The following DCST1 variants were observed in gnomAD, a reference collection of about 807,000 sequenced individuals.
DCST1 encodes the protein E3 ubiquitin-protein ligase DCST1.
A neutral mutation model predicts 89.1 loss-of-function variants in DCST1; 78 were observed. That is an observed-to-expected ratio of 0.88 (90% confidence interval 0.73 to 1.06). DCST1 has a LOEUF of 1.06. DCST1 is among the 50% of genes least tolerant of loss of function. DCST1 has a pLI of 0.00. For synonymous variants in DCST1, 364 were observed against 371.9 expected (o/e 0.98, Z 0.24); for missense variants, 900 against 928.6 (o/e 0.97, Z 0.40).
At chr1:155,041,274 A>C in intron 6 of DCST1, 123 bp from the exon 7 acceptor site, 1 of 971,386 alleles carries the variant, frequency 1.0e-6, no homozygotes, top group Non-Finnish European at 1.6e-6. Flanking sequence ...CTCAGGGCCT[A>C]GGCTCCCTGT....
chr1:155,038,508 C>A (rs549269355), intron 4 of DCST1, among the ~76,000 whole-genome samples: 1 of 152,304 alleles, frequency 6.6e-6, no homozygotes, highest in Admixed American at 6.5e-5. Flanking sequence ...GACTCTACCA[C>A]GACAGTGGAG....
At position 155,040,619 on chromosome 1, in the gene DCST1, C is replaced by A. The variant is rs934763981; in HGVS notation, c.526C>A (p.Leu176Met). ...CCCCTTACGGGCCATGTTCAAGGAC[C>A]TGCTGGTCAGGAATCTGCACAGGCA... ...TAPLRAMFKDLLSSKELLRAE... is the reference protein window; with the variant it reads ...TAPLRAMFKDMLSSKELLRAE... Residue 176 changes from leucine to methionine, a missense_variant, in exon 6 of 17, where the codon CTG (leucine) becomes ATG (methionine). Physicochemically the swap from Leu to Met is conservative, Grantham distance 15. Coordinates refer to ENST00000295542, the MANE Select transcript of DCST1 (RefSeq NM_152494.4). 1 of 1,574,252 alleles carries A rather than the reference C, an allele frequency of 6.4e-7. No homozygotes were observed. Among genetic ancestry groups the A allele is most frequent in the Non-Finnish European group, 8.6e-7 (1 of 1,159,026 alleles).
rs1340232370 is a variant in DCST1, at chr1:155,034,692, A to AAGAACAG, written c.229_235dup (p.Lys79ArgfsTer103). On this transcript the variant is annotated frameshift_variant, in exon 4 of 17. Coordinates refer to ENST00000295542, the MANE Select transcript of DCST1 (RefSeq NM_152494.4). LOFTEE classifies it high-confidence loss of function. ...CTGGTGAACCCCATGAACATCTACGAAGAACAGAAGATTATGTTCTTGTAC... is the reference window on the plus strand; with the variant it reads ...CTGGTGAACCCCATGAACATCTACGAAGAACAGAGAACAGAAGATTATGTTCTTGTAC... The AAGAACAG allele has an allele frequency of 6.2e-7, 1 of 1,614,052 alleles. No individual in the cohort carries two copies. The highest frequency in any genetic ancestry group is 8.5e-7 in the Non-Finnish European group (1 of 1,180,048).
chr1:155,050,813 A>G lies in DCST1; in HGVS notation c.2066A>G (p.Glu689Gly). The change falls in exon 17 of 17, where the codon GAG (glutamate) becomes GGG (glycine). Residue 689 changes from glutamate (E) to glycine (G), a missense_variant. Physicochemically the swap from Glu to Gly is moderately conservative, Grantham distance 98 (BLOSUM62 -2). Coordinates refer to ENST00000295542, the MANE Select transcript of DCST1 (RefSeq NM_152494.4). ...QRCPVCTPRE[E>G]LSSSAFSDSN... Reference sequence around the variant, plus strand: ...TGCCCGGTCTGCACGCCCCGCGAAGAGCTCTCTTCCTCCGCCTTTAGTGAC... The same window carrying G: ...TGCCCGGTCTGCACGCCCCGCGAAGGGCTCTCTTCCTCCGCCTTTAGTGAC... 1.2e-6 allele frequency: 2 copies of G among 1,612,820 alleles called. No individual in the cohort carries two copies. The highest frequency in any genetic ancestry group is 1.7e-6 in the Non-Finnish European group (2 of 1,179,556).
chr1:155,039,497 T>C lies in DCST1; in HGVS notation c.357T>C (p.Phe119=). 1 of 1,601,594 alleles carries C rather than the reference T, an allele frequency of 6.2e-7. No homozygotes were observed. The highest frequency in any genetic ancestry group is 1.1e-5 in the South Asian group (1 of 88,410). The change falls in exon 5 of 17, where the codon TTT becomes TTC. Residue 119 remains phenylalanine, a synonymous_variant. Coordinates refer to ENST00000295542, the MANE Select transcript of DCST1 (RefSeq NM_152494.4). Reference sequence around the variant, plus strand: ...TGCTGGGCAAGGAAGGCAGGCTCTTTGTCCTGGGATACGCCTTGGCTGCCA... The same window carrying C: ...TGCTGGGCAAGGAAGGCAGGCTCTTCGTCCTGGGATACGCCTTGGCTGCCA... ...PKMLGKEGRL[F]VLGYALAAIY... is the part of the protein sequence containing the mutation.
intron 4 of DCST1, among the ~76,000 whole-genome samples, chr1:155,038,692 G>C (rs1263421057): frequency 6.6e-6 from 1 of 152,176 alleles, no homozygotes; most frequent in East Asian, 1.9e-4. Context: ...GACACGTCCT[G>C]TCTTTGTCCA....
Position 155,045,903 on chromosome 1 carries a change from T to C in DCST1, c.1183T>C (p.Tyr395His). 6.2e-7 allele frequency: 1 copy of C among 1,614,090 alleles called. No homozygotes were observed. The highest frequency in any genetic ancestry group is 8.5e-7 in the Non-Finnish European group (1 of 1,179,926). Reference sequence around the variant, plus strand: ...CCCATCCACCCACAGGTCTTTCTCCTACATGGACAGCTATAACCATGACAT... The same window carrying C: ...CCCATCCACCCACAGGTCTTTCTCCCACATGGACAGCTATAACCATGACAT... ...FLLVLHASFS[Y>H]MDSYNHDIRF... Residue 395 changes from tyrosine (Y) to histidine (H), a missense_variant, in exon 11 of 17, where the codon TAC becomes CAC. Transcript: ENST00000295542.
intron 16 of DCST1, chr1:155,049,350 C>CAGTT (rs1366522477): frequency 2.6e-6 from 1 of 382,278 alleles, no homozygotes; most frequent in Non-Finnish European, 4.7e-6. Flanking sequence ...CTCCAAGCAT[C>CAGTT]AGTTTTCTCA....
In DCST1 at chr1:155,047,249, C is replaced by T. The variant is rs754097171; in HGVS notation, c.1549C>T (p.Leu517Phe). 2 of 1,614,148 alleles carry T rather than the reference C, an allele frequency of 1.2e-6. No homozygotes were observed. Among genetic ancestry groups the T allele is most frequent in the East Asian group, 4.5e-5 (2 of 44,882 alleles). Residue 517 changes from leucine (L) to phenylalanine (F), a missense_variant, in exon 14 of 17, where the codon CTT (leucine) becomes TTT (phenylalanine). By Grantham distance (22) the Leu-to-Phe change is conservative. Coordinates refer to ENST00000295542, the MANE Select transcript of DCST1 (RefSeq NM_152494.4). ...VGGDSMLARLLRKTIGALNTS... is the reference protein window; with the variant it reads ...VGGDSMLARLFRKTIGALNTS... ...GGGAGACTCCATGCTAGCCCGGCTT[C>T]TTCGAAAAACCATTGGGGCCCTGAA...
At position 155,041,806 on chromosome 1, in the gene DCST1, C is replaced by A. The variant is rs1370579154; in HGVS notation, c.841C>A (p.His281Asn). 6.2e-7 allele frequency: 1 copy of A among 1,614,260 alleles called. No individual in the cohort carries two copies. Residue 281 changes from histidine (H) to asparagine (N), a missense_variant, in exon 8 of 17, where the codon CAC (histidine) becomes AAC (asparagine). Coordinates refer to ENST00000295542, the MANE Select transcript of DCST1 (RefSeq NM_152494.4). ...GCACATCTGGGTCCCACTCCTCACCCACCTGCTCTGCCTGCCTATGAAGTT... is the reference window on the plus strand; with the variant it reads ...GCACATCTGGGTCCCACTCCTCACCAACCTGCTCTGCCTGCCTATGAAGTT... ...MKHIWVPLLTHLLCLPMKFKF... is the reference protein window; with the variant it reads ...MKHIWVPLLTNLLCLPMKFKF...
intron 16 of DCST1, 198 bp from the exon 17 acceptor site, chr1:155,050,419 A>G: frequency 1.6e-6 from 1 of 642,564 alleles, no homozygotes; most frequent in Non-Finnish European, 2.6e-6. Flanking sequence ...GAGAGCCTGG[A>G]GGGTGCATCC....
intron 16 of DCST1, among the ~76,000 whole-genome samples, chr1:155,049,914 C>T (rs1394237745): frequency 6.6e-6 from 1 of 152,228 alleles, no homozygotes; most frequent in Admixed American, 6.5e-5. Flanking sequence ...ACTCAGTCCA[C>T]AGGGAATGCG....
At chr1:155,040,427 G>T in intron 5 of DCST1, 58 bp from the exon 6 acceptor site, 4 of 1,539,562 alleles carry the variant, frequency 2.6e-6, no homozygotes, top group Non-Finnish European at 3.5e-6. Context: ...GAAGCTGAGC[G>T]GGTTTGAGAA....
At chr1:155,044,965 G>A (rs1660568442) in intron 10 of DCST1, among the ~76,000 whole-genome samples, 2 of 152,180 alleles carry the variant, frequency 1.3e-5, no homozygotes, top group African/African-American at 4.8e-5. Flanking sequence ...GGGAAGGAAG[G>A]AGGCACAGAG....
chr1:155,050,902 T>C lies in DCST1; in HGVS notation c.*34T>C, dbSNP rs776702718. Reference sequence around the variant, plus strand: ...CCTGCTCGCTCTTCCGCACCGTCCTTCCCGGTTAATAAAATGCCCTGTACG... The same window carrying C: ...CCTGCTCGCTCTTCCGCACCGTCCTCCCCGGTTAATAAAATGCCCTGTACG... On this transcript the variant is annotated 3_prime_UTR_variant, in exon 17 of 17. Coordinates refer to ENST00000295542, the MANE Select transcript of DCST1 (RefSeq NM_152494.4). 1.3e-6 allele frequency: 2 copies of C among 1,596,922 alleles called. No individual in the cohort carries two copies. Among genetic ancestry groups the C allele is most frequent in the African/African-American group, 1.3e-5 (1 of 74,718 alleles).
At chr1:155,040,343 G>T in intron 5 of DCST1, 142 bp from the exon 6 acceptor site, 205 of 558,766 alleles carry the variant, frequency 3.7e-4, no homozygotes, top group Non-Finnish European at 5.0e-4. Context: ...ATCAAAGGTT[G>T]AACAAGTTGA....
chr1:155,049,996 G>A (rs1660837162), intron 16 of DCST1, among the ~76,000 whole-genome samples: 1 of 152,234 alleles, frequency 6.6e-6, no homozygotes, highest in Non-Finnish European at 1.5e-5. Context: ...AAGTAGGAAA[G>A]AGGCTAGAAA....
Position 155,050,875 on chromosome 1 carries a change from G to A in DCST1, c.*7G>A, listed in dbSNP as rs1186665070. The A allele has an allele frequency of 6.2e-7, 1 of 1,606,460 alleles. No individual in the cohort carries two copies. The highest frequency in any genetic ancestry group is 8.5e-7 in the Non-Finnish European group (1 of 1,174,370). Reference sequence around the variant, plus strand: ...CACTGCCTACGCGGGGTGAAGAGGCGTCCTGCTCGCTCTTCCGCACCGTCC... The same window carrying A: ...CACTGCCTACGCGGGGTGAAGAGGCATCCTGCTCGCTCTTCCGCACCGTCC... On this transcript the variant is annotated 3_prime_UTR_variant, in exon 17 of 17. Coordinates refer to ENST00000295542, the MANE Select transcript of DCST1 (RefSeq NM_152494.4).
chr1:155,050,765 G>A lies in DCST1; in HGVS notation c.2018G>A (p.Cys673Tyr). 6.2e-7 allele frequency: 1 copy of A among 1,611,590 alleles called. No individual in the cohort carries two copies. Among genetic ancestry groups the A allele is most frequent in the Non-Finnish European group, 8.5e-7 (1 of 1,179,070 alleles). The part of the protein sequence containing the change: ...LDCEAVYCWS[C>Y]WDDMRQRCPV... ...TGCGAGGCCGTGTACTGCTGGTCGT[G>A]CTGGGACGACATGCGGCAGCGGTGC... Residue 673 changes from cysteine (C) to tyrosine (Y), a missense_variant, in exon 17 of 17, where the codon TGC (cysteine) becomes TAC (tyrosine). Coordinates refer to ENST00000295542, the MANE Select transcript of DCST1 (RefSeq NM_152494.4).
Sources: gnomAD v4.1 joint callset for allele counts (sites outside exome capture counted in the v4.1 genomes callset) on GRCh38, gnomAD v4.1.1 for gene constraint, MANE v1.5 for transcripts, NCBI Gene and HGNC (gene_info 2026-07-23, HGNC 2026-07-21) for gene names.